The following ZNF33A variants were observed in gnomAD, a reference collection of about 807,000 sequenced individuals.
The protein encoded by ZNF33A is brain my041 protein.
In ZNF33A, 9 loss-of-function variants were observed where a neutral mutation model predicts 15.9. That is an observed-to-expected ratio of 0.57 (90% CI 0.34 to 0.99). The LOEUF (loss-of-function observed/expected upper bound fraction) is 0.99. Ranked by LOEUF, ZNF33A falls within the 50% of genes least tolerant of loss-of-function variation. The pLI is 0.02. For missense variants in ZNF33A, 843 were observed against 941.6 expected, an observed-to-expected ratio of 0.90 and a Z score of 1.37; for synonymous variants, 294 against 324.2, an observed-to-expected ratio of 0.91 and a Z score of 1.00.
intron 2 of ZNF33A, 128 bp from the exon 3 acceptor site, chr10:38,016,743 C>T: frequency 8.9e-7 from 1 of 1,127,050 alleles, no homozygotes; most frequent in South Asian, 1.7e-5. Context: ...GCATTAATGG[C>T]AGAATATTTC....
downstream of ZNF33A, among the ~76,000 whole-genome samples, chr10:38,063,831 T>G (rs530077251): frequency 6.6e-6 from 1 of 152,190 alleles, no homozygotes; most frequent in Non-Finnish European, 1.5e-5. Flanking sequence ...TATTTTCACC[T>G]TGGTTCAGTT....
At chr10:38,043,404 G>A (rs2065799895) in intron 4 of ZNF33A, among the ~76,000 whole-genome samples, 1 of 150,920 alleles carries the variant, frequency 6.6e-6, no homozygotes, top group Non-Finnish European at 1.5e-5. Flanking sequence ...GCTAAATGAC[G>A]AGTTAATGGG....
At chr10:38,020,266 T>A (rs1201539823) in intron 4 of ZNF33A, among the ~76,000 whole-genome samples, 1 of 152,194 alleles carries the variant, frequency 6.6e-6, no homozygotes, top group African/African-American at 2.4e-5. Flanking sequence ...GTATATATAT[T>A]TTTGAAGTAC....
chr10:38,011,368 T>C (rs2064176767), intron 1 of ZNF33A, among the ~76,000 whole-genome samples: 1 of 152,122 alleles, frequency 6.6e-6, no homozygotes, highest in Non-Finnish European at 1.5e-5. Context: ...GTGGATCACC[T>C]GAGGTCAGAA....
chr10:38,031,589 A>T (rs2065211749), intron 4 of ZNF33A, among the ~76,000 whole-genome samples: 1 of 133,520 alleles, frequency 7.5e-6, no homozygotes, highest in Non-Finnish European at 1.8e-5. Context: ...AAAGAAAAGA[A>T]AAAAAAAAAA....
intron 4 of ZNF33A, among the ~76,000 whole-genome samples, chr10:38,028,866 G>T (rs1186558022): frequency 5.3e-5 from 8 of 151,762 alleles, no homozygotes; most frequent in Non-Finnish European, 1.5e-5. Flanking sequence ...TTAACCATGG[G>T]GATTGCTTTC....
intron 4 of ZNF33A, among the ~76,000 whole-genome samples, chr10:38,040,485 A>G (rs551999929): frequency 6.6e-6 from 1 of 152,254 alleles, no homozygotes; most frequent in African/African-American, 2.4e-5. Flanking sequence ...CTCTGTTAGT[A>G]GTACATAGGC....
downstream of ZNF33A, among the ~76,000 whole-genome samples, chr10:38,063,322 A>G (rs1373549265): frequency 6.6e-6 from 1 of 152,212 alleles, no homozygotes; most frequent in Non-Finnish European, 1.5e-5. Flanking sequence ...GGAAGCAGAC[A>G]TAGCTTGGTA....
At position 38,010,770 on chromosome 10, in the gene ZNF33A, G is replaced by C; in HGVS notation, c.-58G>C. The stretch of plus-strand genomic sequence containing the variant: ...CGCTTTTCTATGGCGAATGCAACCC[G>C]ACGAGGGAGTGGGGTAAGCCCCAGT... On this transcript the variant is annotated 5_prime_UTR_variant, in exon 1 of 5. Coordinates refer to ENST00000432900, the MANE Select transcript of ZNF33A (RefSeq NM_006954.2). 1 of 1,598,460 alleles carries C rather than the reference G, an allele frequency of 6.3e-7. No individual in the cohort carries two copies. Among genetic ancestry groups the C allele is most frequent in the South Asian group, 1.1e-5 (1 of 91,090 alleles).
chr10:38,043,146 A>C (rs1024040264), intron 4 of ZNF33A, among the ~76,000 whole-genome samples: 1 of 151,768 alleles, frequency 6.6e-6, no homozygotes. Context: ...TAATTTGAGG[A>C]TTTTAAATTT....
chr10:38,012,231 G>A (rs1301310689), intron 1 of ZNF33A, 67 bp from the exon 2 acceptor site: 1 of 1,534,432 alleles, frequency 6.5e-7, no homozygotes, highest in East Asian at 2.3e-5. Flanking sequence ...TTCTTAGGGC[G>A]GAAGAATCCA....
At chr10:38,034,339 A>G (rs985897102) in intron 4 of ZNF33A, among the ~76,000 whole-genome samples, 3 of 152,062 alleles carry the variant, frequency 2.0e-5, no homozygotes, top group Non-Finnish European at 2.9e-5. Context: ...CCTCTTGGCT[A>G]TGGTGGTTTC....
At chr10:38,037,557 C>A (rs2065508449) in intron 4 of ZNF33A, among the ~76,000 whole-genome samples, 1 of 152,072 alleles carries the variant, frequency 6.6e-6, no homozygotes, top group East Asian at 1.9e-4. Flanking sequence ...AACTCCTGAC[C>A]TTGTGATCTG....
At position 38,017,400 on chromosome 10, in the gene ZNF33A, T is replaced by C. The variant is rs368523100; in HGVS notation, c.250+14T>C. The stretch of plus-strand genomic sequence containing the variant: ...AAAGCTTTCCAGGTGAGTTAATATG[T>C]ACTGCACAGATTCACATCAGGGGAT... On this transcript the variant is annotated intron_variant, in intron 4 of 4. Coordinates refer to ENST00000432900, the MANE Select transcript of ZNF33A (RefSeq NM_006954.2). The C allele has an allele frequency of 2.8e-4, 441 of 1,587,502 alleles. 3 individuals are homozygous for C. Among genetic ancestry groups the C allele is most frequent in the South Asian group, 2.7e-3 (247 of 89,984 alleles).
downstream of ZNF33A, among the ~76,000 whole-genome samples, chr10:38,065,767 A>G (rs141460662): frequency 0.011 from 1,688 of 151,098 alleles, 34 homozygotes; most frequent in African/African-American, 0.038. Flanking sequence ...CTGGAGTGCA[A>G]TGGCCCTATC....
At chr10:38,049,464 A>C (rs1379954280) in intron 4 of ZNF33A, among the ~76,000 whole-genome samples, 3 of 152,106 alleles carry the variant, frequency 2.0e-5, no homozygotes, top group Non-Finnish European at 4.4e-5. Flanking sequence ...GTGTGTTTGT[A>C]TTATGTGCGT....
chr10:38,030,752 G>A (rs1276327298), intron 4 of ZNF33A, among the ~76,000 whole-genome samples: 3 of 152,170 alleles, frequency 2.0e-5, no homozygotes, highest in Admixed American at 6.5e-5. Flanking sequence ...TGTGGTTTGA[G>A]TTTCCTACTG....
At chr10:38,010,605 G>A, upstream of ZNF33A, 1 of 1,137,440 alleles carries the variant, frequency 8.8e-7, no homozygotes, top group Non-Finnish European at 1.3e-6. Flanking sequence ...GTAGTTTCCA[G>A]GTAGGGCGCC....
chr10:38,029,134 A>G (rs1329440626), intron 4 of ZNF33A, among the ~76,000 whole-genome samples: 1 of 152,210 alleles, frequency 6.6e-6, no homozygotes, highest in Non-Finnish European at 1.5e-5. Context: ...TTGTCTATAT[A>G]GTTAACTTTA....
Sources: gnomAD v4.1 joint callset for allele counts (sites outside exome capture counted in the v4.1 genomes callset) on GRCh38, gnomAD v4.1.1 for gene constraint, MANE v1.5 for transcripts, NCBI Gene and HGNC (gene_info 2026-07-23, HGNC 2026-07-21) for gene names.